ANKRD17: variants seen among roughly 807,000 people sequenced by gnomAD.
The protein encoded by ANKRD17 is ankyrin repeat domain 17, also known as ankyrin repeat domain-containing protein 17.
A neutral mutation model predicts 229.7 loss-of-function variants in ANKRD17; 19 were observed. The ratio of observed to expected loss-of-function variants is 0.08; its 90% CI spans 0.06 to 0.12. The LOEUF (loss-of-function observed/expected upper bound fraction) is 0.12. Ranked by LOEUF, ANKRD17 falls within the 10% of genes least tolerant of loss-of-function variation. The pLI is 1.00. For missense variants in ANKRD17, 2,176 were observed against 3,176.8 expected (o/e 0.68, Z 7.57); for synonymous variants, 1,112 against 1,146.1 (o/e 0.97, Z 0.60).
At chr4:73,184,544 A>AG (rs1486963037) in intron 1 of ANKRD17, among the ~76,000 whole-genome samples, 1 of 150,568 alleles carries the variant, frequency 6.6e-6, no homozygotes, top group Non-Finnish European at 1.5e-5. Flanking sequence ...AAAAAAAAAA[A>AG]AAAAAAAAAG....
At chr4:73,255,094 T>C (rs2149291286) in intron 1 of ANKRD17, among the ~76,000 whole-genome samples, 1 of 152,322 alleles carries the variant, frequency 6.6e-6, no homozygotes, top group South Asian at 2.1e-4. Flanking sequence ...CTTGGTCTTA[T>C]TTGTTTCCAG....
At chr4:73,196,234 G>A (rs186459710) in intron 1 of ANKRD17, among the ~76,000 whole-genome samples, 3 of 152,174 alleles carry the variant, frequency 2.0e-5, no homozygotes, top group African/African-American at 7.2e-5. Context: ...CTGACCTCAC[G>A]TGACCTGCCC....
intron 3 of ANKRD17, among the ~76,000 whole-genome samples, chr4:73,158,184 G>GAAAGAAAGAAAGAAAGAAAGAAA: frequency 6.6e-6 from 1 of 151,108 alleles, no homozygotes; most frequent in Non-Finnish European, 1.5e-5. Flanking sequence ...AAGAAAGAAA[G>GAAAGAAAGAAAGAAAGAAAGAAA]AAAGAGAGAG....
At chr4:73,120,469 A>G (rs1726570966) in intron 20 of ANKRD17, 132 bp from the exon 21 acceptor site, 4 of 780,812 alleles carry the variant, frequency 5.1e-6, no homozygotes, top group Non-Finnish European at 8.0e-6. Context: ...TTAATCACTG[A>G]CCCTTATTAG....
intron 33 of ANKRD17, 104 bp from the exon 34 acceptor site, chr4:73,076,394 A>G: frequency 1.3e-6 from 1 of 770,558 alleles, no homozygotes; most frequent in Non-Finnish European, 1.9e-6. Flanking sequence ...TTTGCAATAT[A>G]CTAGGAACTA....
chr4:73,087,109 T>A (rs1488331368), intron 29 of ANKRD17, among the ~76,000 whole-genome samples: 1 of 149,828 alleles, frequency 6.7e-6, no homozygotes, highest in Non-Finnish European at 1.5e-5. Context: ...CAATTTATCA[T>A]TTTTTCTTTT....
rs140708079 is a variant in ANKRD17 at position 73,165,644 on chromosome 4, G to A, written c.548-4296C>T. On this transcript the variant is annotated intron_variant, in intron 2 of 33. Transcript: ENST00000358602. Reference sequence around the variant, plus strand: ...TCCCAAAATTAAGTTACGTTATATAGCATTGTTGACCTAAAGACAGCGAGG... The same window carrying A: ...TCCCAAAATTAAGTTACGTTATATAACATTGTTGACCTAAAGACAGCGAGG... Among the ~76,000 whole-genome samples the A allele has an allele frequency of 1.4e-4, 21 of 152,286 alleles. No homozygotes were observed. In the East Asian group the frequency reaches 3.3e-3, roughly 24 times the overall value.
intron 1 of ANKRD17, among the ~76,000 whole-genome samples, chr4:73,228,082 A>G (rs1742682888): frequency 1.3e-5 from 2 of 152,162 alleles, no homozygotes; most frequent in South Asian, 4.1e-4. Flanking sequence ...ACCTCTTAAA[A>G]TTATTAAATT....
chr4:73,140,790 C>A (rs779128127), intron 14 of ANKRD17, among the ~76,000 whole-genome samples: 6 of 152,154 alleles, frequency 3.9e-5, no homozygotes, highest in Non-Finnish European at 8.8e-5. Context: ...AAATTAAAAT[C>A]TGAGTAAAAT....
In ANKRD17 at chr4:73,136,875, A is replaced by G. The variant is rs369032689; in HGVS notation, c.3086-1610T>C. Among the ~76,000 whole-genome samples the G allele has an allele frequency of 4.3e-4, 66 of 152,152 alleles. 1 individual carries two copies. In the South Asian group the frequency reaches 0.014, roughly 32 times the overall value. ...GAATCACTAAATTTTATTTCATAAT[A>G]CTAAACAGGTTAAAAAAAATCTAAG... On this transcript the variant is annotated intron_variant, in intron 15 of 33. Coordinates refer to ENST00000358602, the MANE Select transcript of ANKRD17 (RefSeq NM_032217.5).
rs59284237 is a variant in ANKRD17 at position 73,124,288 on chromosome 4, G to GAA, written c.3492+623_3492+624dup. On this transcript the variant is annotated intron_variant, in intron 18 of 33. Transcript: ENST00000358602. ...ATCCCCTGTACAAAGGACTGAATTTGAAAAAAAAAAAAAGGTTATCTAGCT... is the reference window on the plus strand; with the variant it reads ...ATCCCCTGTACAAAGGACTGAATTTGAAAAAAAAAAAAAAAGGTTATCTAGCT... Among the ~76,000 whole-genome samples the GAA allele has an allele frequency of 2.1e-5, 2 of 96,228 alleles. 1 individual carries two copies. The highest frequency in any genetic ancestry group is 9.2e-5 in the African/African-American group (2 of 21,744). The allele number at this position is 96,228 out of a possible 152,430, so 63.1% of individuals were successfully genotyped here. A position where few individuals can be genotyped will look rare whatever the true frequency, so the allele number is the denominator to read the frequency against.
In ANKRD17 at chr4:73,098,381, G is replaced by GTTTTTCCTC; in HGVS notation, c.4704_4712dup (p.Lys1568_Lys1570dup). The GTTTTTCCTC allele has an allele frequency of 6.2e-7, 1 of 1,614,060 alleles. No individual in the cohort carries two copies. Among genetic ancestry groups the GTTTTTCCTC allele is most frequent in the Non-Finnish European group, 8.5e-7 (1 of 1,179,994 alleles). Reference sequence around the variant, plus strand: ...TTTCTGGAGTAATTTTATTTTTCCTGTTTTTCCTCTTTGAACTGGTTGTAG... The same window carrying GTTTTTCCTC: ...TTTCTGGAGTAATTTTATTTTTCCTGTTTTTCCTCTTTTTCCTCTTTGAACTGGTTGTAG... On this transcript the variant is annotated inframe_insertion, in exon 26 of 34. Coordinates refer to ENST00000358602, the MANE Select transcript of ANKRD17 (RefSeq NM_032217.5).
intron 1 of ANKRD17, among the ~76,000 whole-genome samples, chr4:73,228,720 T>C (rs2149233410): frequency 6.6e-6 from 1 of 152,352 alleles, no homozygotes; most frequent in East Asian, 1.9e-4. Flanking sequence ...GCTGCTCAAA[T>C]TTTCATTGCA....
At chr4:73,206,445 A>T (rs868077143) in intron 1 of ANKRD17, among the ~76,000 whole-genome samples, 11 of 152,072 alleles carry the variant, frequency 7.2e-5, no homozygotes, top group African/African-American at 2.7e-4. Flanking sequence ...AGAGAGAGAG[A>T]GAGAGAGAGA....
chr4:73,227,450 G>C (rs985847619), intron 1 of ANKRD17, among the ~76,000 whole-genome samples: 1 of 152,112 alleles, frequency 6.6e-6, no homozygotes, highest in African/African-American at 2.4e-5. Flanking sequence ...ACCGCACCCA[G>C]CCTCAACCTA....
chr4:73,182,161 G>A (rs79552520), intron 1 of ANKRD17, among the ~76,000 whole-genome samples: 10,491 of 136,678 alleles, frequency 0.077, 557 homozygotes, highest in Non-Finnish European at 0.12. Context: ...GAAGAGAGAA[G>A]ACAAAGGAAA....
chr4:73,148,841 T>C lies in ANKRD17; in HGVS notation c.1539A>G (p.Glu513=). The C allele has an allele frequency of 1.2e-6, 2 of 1,614,066 alleles. No individual in the cohort carries two copies. Among genetic ancestry groups the C allele is most frequent in the African/African-American group, 1.3e-5 (1 of 75,046 alleles). ...PLMEAAREGH[E]EMVALLLGQG... ...GACCAAGAAGTAATGCCACCATTTCTTCATGTCCTTCTCGAGCTGCTTCCA... is the reference window on the plus strand; with the variant it reads ...GACCAAGAAGTAATGCCACCATTTCCTCATGTCCTTCTCGAGCTGCTTCCA... The change falls in exon 8 of 34, where the codon GAA becomes GAG. Residue 513 remains glutamate, a synonymous_variant. Transcript: ENST00000358602.
chr4:73,145,736 A>AAC (rs1730185014), intron 10 of ANKRD17, among the ~76,000 whole-genome samples: 1 of 152,160 alleles, frequency 6.6e-6, no homozygotes, highest in Non-Finnish European at 1.5e-5. Flanking sequence ...AGCACTTATT[A>AAC]TATACGTTCT....
chr4:73,099,024 G>A (rs72661098), intron 25 of ANKRD17: 13,245 of 984,886 alleles, frequency 0.013, 138 homozygotes, highest in Non-Finnish European at 0.018. Context: ...AAAAACAAGG[G>A]AGCTGCCAAG....
Sources: gnomAD v4.1 joint callset for allele counts (sites outside exome capture counted in the v4.1 genomes callset) on GRCh38, gnomAD v4.1.1 for gene constraint, MANE v1.5 for transcripts, NCBI Gene and HGNC (gene_info 2026-07-23, HGNC 2026-07-21) for gene names.